SLC39A8: variants seen among roughly 807,000 people sequenced by gnomAD.
The protein encoded by SLC39A8 is metal cation symporter ZIP8.
A neutral mutation model predicts 40.4 loss-of-function variants in SLC39A8; 15 were observed. That is an observed-to-expected ratio of 0.37 (90% CI 0.25 to 0.57). The LOEUF is 0.57. Among genes scored for constraint, SLC39A8 ranks in the 20% least tolerant of loss-of-function variants. The pLI, the probability that SLC39A8 is intolerant of heterozygous loss-of-function variation, is 0.75. For missense variants in SLC39A8, 472 were observed against 558.8 expected (o/e 0.84, Z 1.57); for synonymous variants, 223 against 221.6 (o/e 1.01, Z -0.06).
At chr4:102,316,025 G>GAA (rs56764903) in intron 2 of SLC39A8, among the ~76,000 whole-genome samples, 195 bp from the exon 3 acceptor site, 245 of 145,470 alleles carry the variant, frequency 1.7e-3, no homozygotes, top group African/African-American at 4.4e-3. Flanking sequence ...AAGAAAAATA[G>GAA]AAAAAAAAAA....
rs986295563 is a variant in SLC39A8 at position 102,302,334 on chromosome 4, C to T, written c.840+1983G>A. Reference sequence around the variant, plus strand: ...AAATTAGCAATATAGCTGACTGGCACCTCTTGAATGACTTGTCAGAGTTCA... The same window carrying T: ...AAATTAGCAATATAGCTGACTGGCATCTCTTGAATGACTTGTCAGAGTTCA... On this transcript the variant is annotated intron_variant, in intron 6 of 8. Coordinates refer to ENST00000356736, the MANE Select transcript of SLC39A8 (RefSeq NM_001135146.2). 1.3e-5 allele frequency among the ~76,000 whole-genome samples: 2 copies of T among 152,030 alleles called. 1 individual carries two copies. The highest frequency in any genetic ancestry group is 1.3e-4 in the Admixed American group (2 of 15,236).
rs1259564681 is a variant in SLC39A8 at position 102,261,935 on chromosome 4, T to G, written c.*1109A>C. 1.0e-5 allele frequency: 10 copies of G among 985,840 alleles called. No individual in the cohort carries two copies. The highest frequency in any genetic ancestry group is 3.6e-6 in the Non-Finnish European group (3 of 829,916). The allele number at this position is 985,840 out of a possible 1,614,324, so 61.1% of individuals were successfully genotyped here. On this transcript the variant is annotated 3_prime_UTR_variant, in exon 9 of 9. Coordinates refer to ENST00000356736, the MANE Select transcript of SLC39A8 (RefSeq NM_001135146.2). ...AGACCAATTTTCTCTATCTTCTAAATGAGTAAACAGGCTCTGTCTTTTATA... is the reference window on the plus strand; with the variant it reads ...AGACCAATTTTCTCTATCTTCTAAAGGAGTAAACAGGCTCTGTCTTTTATA...
intron 2 of SLC39A8, among the ~76,000 whole-genome samples, chr4:102,343,158 C>T (rs1419729165): frequency 1.2e-4 from 18 of 152,110 alleles, no homozygotes; most frequent in Admixed American, 1.1e-3. Context: ...AAAGAACATG[C>T]ATAAGGGGAC....
chr4:102,295,971 C>T (rs911020117), intron 6 of SLC39A8, among the ~76,000 whole-genome samples: 1 of 152,072 alleles, frequency 6.6e-6, no homozygotes, highest in African/African-American at 2.4e-5. Flanking sequence ...AAGGCTCTAA[C>T]AGAGAATCGG....
At chr4:102,311,984 A>C (rs1336458092) in intron 3 of SLC39A8, among the ~76,000 whole-genome samples, 1 of 152,114 alleles carries the variant, frequency 6.6e-6, no homozygotes, top group Non-Finnish European at 1.5e-5. Context: ...TGGTGAACCT[A>C]TGAACACATG....
chr4:102,304,570 T>A (rs1408227494), intron 5 of SLC39A8, 89 bp from the exon 6 acceptor site: 2 of 1,090,942 alleles, frequency 1.8e-6, no homozygotes, highest in South Asian at 1.7e-5. Flanking sequence ...TTTTTATTTA[T>A]AAGAGGAAAA....
intron 6 of SLC39A8, among the ~76,000 whole-genome samples, chr4:102,279,970 A>G (rs560587664): frequency 5.3e-5 from 8 of 152,100 alleles, no homozygotes; most frequent in Non-Finnish European, 1.0e-4. Flanking sequence ...TCCCCATAAG[A>G]CCTGCAGGCA....
intron 2 of SLC39A8, chr4:102,324,265 C>G (rs1290106108): frequency 2.8e-6 from 1 of 358,842 alleles, no homozygotes; most frequent in Admixed American, 3.1e-5. Context: ...CGTGTTGGTG[C>G]ATGCCTGTAA....
intron 2 of SLC39A8, among the ~76,000 whole-genome samples, chr4:102,326,540 G>A (rs749158082): frequency 5.9e-5 from 9 of 152,248 alleles, no homozygotes; most frequent in East Asian, 1.9e-4. Context: ...CAGCCTGGGC[G>A]ACAGAGCAAG....
chr4:102,311,307 C>T (rs1734415529), intron 3 of SLC39A8, among the ~76,000 whole-genome samples: 3 of 152,044 alleles, frequency 2.0e-5, no homozygotes, highest in Admixed American at 2.0e-4. Flanking sequence ...TATAGCAAGC[C>T]TTTAATAAAT....
At chr4:102,343,484 T>TA (rs1736027463) in intron 2 of SLC39A8, among the ~76,000 whole-genome samples, 2 of 152,050 alleles carry the variant, frequency 1.3e-5, no homozygotes, top group African/African-American at 4.8e-5. Context: ...ATATGGAAAA[T>TA]ACCGTATTCT....
intron 3 of SLC39A8, among the ~76,000 whole-genome samples, chr4:102,311,121 T>C (rs1264691229): frequency 1.3e-5 from 2 of 152,126 alleles, no homozygotes; most frequent in Non-Finnish European, 2.9e-5. Flanking sequence ...GTGTGAACTC[T>C]GGAGCCAGAG....
intron 6 of SLC39A8, among the ~76,000 whole-genome samples, chr4:102,275,281 AAAAAAC>A (rs61708966): frequency 0.094 from 14,046 of 149,764 alleles, 751 homozygotes; most frequent in South Asian, 0.19. Flanking sequence ...TGGAAAGCAA[AAAAAAC>A]AAAAACAAAA....
intron 6 of SLC39A8, among the ~76,000 whole-genome samples, chr4:102,270,856 A>C (rs1350139666): frequency 6.6e-6 from 1 of 152,234 alleles, no homozygotes; most frequent in African/African-American, 2.4e-5. Context: ...GTTGAATCCC[A>C]ACATAAATTG....
At chr4:102,291,085 T>C (rs967492267) in intron 6 of SLC39A8, among the ~76,000 whole-genome samples, 7 of 152,010 alleles carry the variant, frequency 4.6e-5, no homozygotes, top group Non-Finnish European at 8.8e-5. Context: ...CAAATCCTGA[T>C]ACTCCACTGA....
At chr4:102,302,790 C>A (rs1205626118) in intron 6 of SLC39A8, among the ~76,000 whole-genome samples, 1 of 152,106 alleles carries the variant, frequency 6.6e-6, no homozygotes, top group Non-Finnish European at 1.5e-5. Flanking sequence ...AGTAATTCAT[C>A]TAACGTTCTA....
chr4:102,322,833 G>A (rs190453273), intron 2 of SLC39A8, among the ~76,000 whole-genome samples: 116 of 152,234 alleles, frequency 7.6e-4, no homozygotes, highest in Admixed American at 6.5e-3. Context: ...ACAGATTTTT[G>A]TAATGCATTT....
intron 6 of SLC39A8, among the ~76,000 whole-genome samples, chr4:102,294,074 A>C (rs1038081679): frequency 1.1e-4 from 16 of 152,036 alleles, no homozygotes; most frequent in Admixed American, 6.6e-5. Context: ...CATATACAAA[A>C]ATAAATTAAA....
chr4:102,307,119 T>A (rs1209402292), intron 4 of SLC39A8, among the ~76,000 whole-genome samples: 1 of 147,512 alleles, frequency 6.8e-6, no homozygotes, highest in Non-Finnish European at 1.5e-5. Context: ...AAATAAATAA[T>A]GAAACAGTGT....
Sources: allele counts gnomAD v4.1 joint callset (sites outside exome capture counted in the v4.1 genomes callset), GRCh38; gene constraint gnomAD v4.1.1; transcripts MANE v1.5; gene names NCBI Gene and HGNC (gene_info 2026-07-23, HGNC 2026-07-21).